ME3: variants seen among roughly 807,000 people sequenced by gnomAD.
ME3 encodes NADP-dependent malic enzyme, mitochondrial.
In ME3, 48 loss-of-function variants were observed where a neutral mutation model predicts 68.9. The ratio of observed to expected loss-of-function variants is 0.70; its 90% CI spans 0.55 to 0.89. The LOEUF is 0.89. ME3 is among the 40% of genes least tolerant of loss of function. The pLI, the probability that ME3 is intolerant of heterozygous loss-of-function variation, is 0.00. For synonymous variants in ME3, 320 were observed against 318.8 expected (o/e 1.00, Z -0.04); for missense variants, 675 against 797.4 (o/e 0.85, Z 1.85).
intron 2 of ME3, among the ~76,000 whole-genome samples, chr11:86,654,249 G>C (rs879337010): frequency 1.2e-4 from 18 of 152,168 alleles, no homozygotes; most frequent in Non-Finnish European, 2.1e-4. Context: ...CATTTTATGA[G>C]GCCAGCATCA....
intron 10 of ME3, among the ~76,000 whole-genome samples, chr11:86,449,519 A>T (rs1410747167): frequency 6.6e-6 from 1 of 152,212 alleles, no homozygotes; most frequent in East Asian, 1.9e-4. Context: ...GAAGGGGTTA[A>T]GGGTTGAGAG....
intron 7 of ME3, among the ~76,000 whole-genome samples, chr11:86,467,977 G>A (rs569933441): frequency 1.6e-4 from 25 of 152,128 alleles, no homozygotes; most frequent in African/African-American, 5.3e-4. Flanking sequence ...AGAACTCACC[G>A]GATTTAAGGA....
intron 2 of ME3, among the ~76,000 whole-genome samples, chr11:86,662,944 CA>C (rs1192858211): frequency 6.6e-6 from 1 of 152,160 alleles, no homozygotes; most frequent in African/African-American, 2.4e-5. Flanking sequence ...CCTCATAACT[CA>C]GAAGCTATGC....
At chr11:86,497,881 T>C in intron 6 of ME3, 82 bp downstream of exon 6, 1 of 1,444,246 alleles carries the variant, frequency 6.9e-7, no homozygotes, top group South Asian at 1.4e-5. Context: ...TGTGTAGATA[T>C]AACCACCCAC....
At position 86,588,781 on chromosome 11, in the gene ME3, C is replaced by G. The variant is rs138461899; in HGVS notation, c.184-28958G>C. Among the ~76,000 whole-genome samples the G allele has an allele frequency of 1.6e-3, 237 of 152,268 alleles. 1 individual carries two copies. Among genetic ancestry groups the G allele is most frequent in the African/African-American group, 5.4e-3 (225 of 41,550 alleles). ...CAATTCATTTCTAGTGAAAGAAAGC[C>G]TGGGTTTCCCTAAGGTTTACTCATG... On this transcript the variant is annotated intron_variant, in intron 2 of 14. Transcript: ENST00000543262.
intron 2 of ME3, among the ~76,000 whole-genome samples, chr11:86,646,902 A>G (rs917588636): frequency 6.6e-6 from 1 of 152,354 alleles, no homozygotes; most frequent in South Asian, 2.1e-4. Context: ...AACATTCAAC[A>G]TTCTTGGAGA....
At chr11:86,465,047 TAA>T in intron 8 of ME3, 42 bp downstream of exon 8, 2 of 1,486,066 alleles carry the variant, frequency 1.3e-6, no homozygotes, top group Non-Finnish European at 1.9e-6. Context: ...GTTGAGAATA[TAA>T]GTTAGTCCCC....
intron 11 of ME3, among the ~76,000 whole-genome samples, chr11:86,447,492 C>T (rs753585203): frequency 6.6e-6 from 1 of 152,144 alleles, no homozygotes; most frequent in Non-Finnish European, 1.5e-5. Flanking sequence ...TGAGCTGCTC[C>T]TCAGGACACA....
chr11:86,485,875 G>A (rs1023863082), intron 7 of ME3, among the ~76,000 whole-genome samples: 3 of 152,212 alleles, frequency 2.0e-5, no homozygotes, highest in Non-Finnish European at 4.4e-5. Flanking sequence ...CAAGAAACAG[G>A]TTAACTAGCT....
At chr11:86,531,081 A>T (rs1471702522) in intron 4 of ME3, among the ~76,000 whole-genome samples, 6 of 152,172 alleles carry the variant, frequency 3.9e-5, no homozygotes, top group Non-Finnish European at 8.8e-5. Flanking sequence ...ATGGGAGAAA[A>T]TTTTTGCATT....
downstream of ME3, among the ~76,000 whole-genome samples, chr11:86,437,849 AG>A (rs1379627253): frequency 2.6e-5 from 3 of 114,642 alleles, no homozygotes; most frequent in East Asian, 2.5e-4. Context: ...AGAGAGAGAG[AG>A]GAGAGAGAGA....
downstream of ME3, chr11:86,441,081 G>C (rs1282762398): frequency 1.4e-5 from 6 of 413,992 alleles, no homozygotes; most frequent in East Asian, 1.9e-4. Context: ...CTCAGAGGAG[G>C]GTTCAGAAAA....
At chr11:86,603,111 A>T (rs11234717) in intron 2 of ME3, among the ~76,000 whole-genome samples, 26,428 of 152,218 alleles carry the variant, frequency 0.17, 2,638 homozygotes, top group East Asian at 0.39. Context: ...ATCTAATTAA[A>T]CTAAAGAGCT....
chr11:86,630,976 C>T (rs1054736644), intron 2 of ME3, among the ~76,000 whole-genome samples: 8 of 152,146 alleles, frequency 5.3e-5, no homozygotes, highest in African/African-American at 1.7e-4. Context: ...CCGATGGAGG[C>T]GGCAGGGATG....
intron 2 of ME3, among the ~76,000 whole-genome samples, chr11:86,560,248 TAGTG>T (rs1239812569): frequency 6.6e-6 from 1 of 152,152 alleles, no homozygotes; most frequent in Non-Finnish European, 1.5e-5. Context: ...ATTCTTGTGA[TAGTG>T]AGTGAGTTCT....
At chr11:86,602,205 C>T (rs1257789246) in intron 2 of ME3, among the ~76,000 whole-genome samples, 2 of 149,752 alleles carry the variant, frequency 1.3e-5, no homozygotes, top group African/African-American at 4.9e-5. Flanking sequence ...CTAGAAAACC[C>T]CATTGTCTCA....
At chr11:86,437,321 T>C (rs889211277), downstream of ME3, 27 of 152,202 alleles carry the variant, frequency 1.8e-4, no homozygotes, top group African/African-American at 6.3e-4. Flanking sequence ...CATCGACTGA[T>C]GGAAACTTAG....
intron 2 of ME3, among the ~76,000 whole-genome samples, chr11:86,658,728 C>T (rs1946084457): frequency 6.6e-6 from 1 of 152,080 alleles, no homozygotes; most frequent in South Asian, 2.1e-4. Context: ...TGGCCAGCTG[C>T]CCCACTGGCA....
rs572269129 is a variant in ME3 at position 86,473,275 on chromosome 11, G to T, written c.810-8075C>A. Among the ~76,000 whole-genome samples, 27 of 152,344 alleles carry T rather than the reference G, an allele frequency of 1.8e-4. No homozygotes were observed. The South Asian group carries it at 5.2e-3, about 29-fold the overall frequency. ...ACTGCCAACATGTCAAGTGAAACAG[G>T]GACCACAAAGTGTACATTGGAGTCG... On this transcript the variant is annotated intron_variant, in intron 7 of 14. Coordinates refer to ENST00000543262, the Ensembl canonical transcript of ME3.
Sources: allele counts gnomAD v4.1 joint callset (sites outside exome capture counted in the v4.1 genomes callset), GRCh38; gene constraint gnomAD v4.1.1; transcripts MANE v1.5; gene names NCBI Gene and HGNC (gene_info 2026-07-23, HGNC 2026-07-21).